LGSN: variants seen among roughly 807,000 people sequenced by gnomAD.
LGSN encodes the protein lengsin, lens protein with glutamine synthetase domain.
Under a neutral mutation model 19.5 loss-of-function variants are expected in LGSN, and 21 were observed. That is an observed-to-expected ratio of 1.07 (90% CI 0.76 to 1.55). The LOEUF (loss-of-function observed/expected upper bound fraction) is 1.55. Ranked by LOEUF, LGSN falls within the 40% of genes most tolerant of loss-of-function variation. The pLI, the probability that LGSN is intolerant of heterozygous loss-of-function variation, is 0.00. For missense variants in LGSN, 673 were observed against 608.5 expected, an observed-to-expected ratio of 1.11 and a Z score of -1.12; for synonymous variants, 257 against 215.6, an observed-to-expected ratio of 1.19 and a Z score of -1.68.
chr6:63,360,880 C>A, the LGSN span, among the ~76,000 whole-genome samples: 2 of 152,154 alleles, frequency 1.3e-5, no homozygotes, highest in African/African-American at 2.4e-5. Context: ...TAACAGTCAG[C>A]ACCCTCAGCT....
chr6:63,376,148 C>T, the LGSN span, among the ~76,000 whole-genome samples: 1 of 152,138 alleles, frequency 6.6e-6, no homozygotes, highest in African/African-American at 2.4e-5. Context: ...CATGTTCCCC[C>T]GATGCTTGCT....
the LGSN span, among the ~76,000 whole-genome samples, chr6:63,388,428 G>C: frequency 6.6e-6 from 1 of 152,062 alleles, no homozygotes; most frequent in African/African-American, 2.4e-5. Flanking sequence ...TTTAGAGATA[G>C]CATCTTTAAG....
At chr6:63,382,387 G>A in the LGSN span, among the ~76,000 whole-genome samples, 1 of 152,152 alleles carries the variant, frequency 6.6e-6, no homozygotes, top group Non-Finnish European at 1.5e-5. Context: ...CTGGCTGCAG[G>A]TGAAGCAACC....
chr6:63,405,121 CA>C, the LGSN span, among the ~76,000 whole-genome samples: 2 of 152,030 alleles, frequency 1.3e-5, no homozygotes, highest in South Asian at 4.2e-4. Flanking sequence ...CATGTCCCTA[CA>C]AAGGACATGA....
At chr6:63,314,199 G>A (rs953988051) in intron 1 of LGSN, among the ~76,000 whole-genome samples, 2 of 152,212 alleles carry the variant, frequency 1.3e-5, no homozygotes, top group East Asian at 3.9e-4. Flanking sequence ...AGGTGATTAG[G>A]TCATGAGGCT....
chr6:63,322,988 T>A (rs534174461), upstream of LGSN, among the ~76,000 whole-genome samples: 10 of 152,308 alleles, frequency 6.6e-5, no homozygotes, highest in African/African-American at 1.7e-4. Flanking sequence ...CTGAAAAAAA[T>A]TATTTTGTAA....
At chr6:63,542,781 A>G in the LGSN span, among the ~76,000 whole-genome samples, 1 of 152,006 alleles carries the variant, frequency 6.6e-6, no homozygotes, top group Non-Finnish European at 1.5e-5. Context: ...CTTCTTCACA[A>G]ATCCTACATC....
the LGSN span, among the ~76,000 whole-genome samples, chr6:63,496,980 A>G: frequency 2.6e-5 from 4 of 152,044 alleles, no homozygotes; most frequent in Non-Finnish European, 4.4e-5. Context: ...TACAACAAAA[A>G]TCCTTGATTG....
At chr6:63,482,739 C>A in the LGSN span, among the ~76,000 whole-genome samples, 1 of 152,166 alleles carries the variant, frequency 6.6e-6, no homozygotes, top group Non-Finnish European at 1.5e-5. Flanking sequence ...CTCACTATGT[C>A]ACCCAGGCTG....
the LGSN span, among the ~76,000 whole-genome samples, chr6:63,451,624 G>C: frequency 6.6e-6 from 1 of 152,024 alleles, no homozygotes; most frequent in Non-Finnish European, 1.5e-5. Flanking sequence ...GGAGGGAGAG[G>C]ATCAGGAAAA....
the LGSN span, chr6:63,572,360 G>A: frequency 5.7e-5 from 17 of 299,062 alleles, 1 homozygote; most frequent in Admixed American, 8.2e-4. Flanking sequence ...GTGACGTCCG[G>A]AGGGGGCGGG....
chr6:63,453,864 G>T, the LGSN span, among the ~76,000 whole-genome samples: 1 of 151,940 alleles, frequency 6.6e-6, no homozygotes, highest in East Asian at 1.9e-4. Context: ...CACTGTGTCA[G>T]CCAAGATGGT....
chr6:63,307,222 A>T (rs1582043436), intron 1 of LGSN, among the ~76,000 whole-genome samples: 2 of 152,354 alleles, frequency 1.3e-5, no homozygotes, highest in East Asian at 3.9e-4. Flanking sequence ...CCATGTGATA[A>T]ATACATTACC....
chr6:63,365,301 A>G, the LGSN span, among the ~76,000 whole-genome samples: 1 of 152,240 alleles, frequency 6.6e-6, no homozygotes, highest in African/African-American at 2.4e-5. Flanking sequence ...AGAGAATACT[A>G]TAAACACCTC....
chr6:63,573,290 T>A, the LGSN span: 2 of 151,886 alleles, frequency 1.3e-5, no homozygotes, highest in Non-Finnish European at 2.9e-5. Flanking sequence ...CGCCTCCAGA[T>A]CCGGGCGGGC....
At chr6:63,461,930 T>G in the LGSN span, among the ~76,000 whole-genome samples, 9 of 152,318 alleles carry the variant, frequency 5.9e-5, no homozygotes, top group Admixed American at 5.2e-4. Flanking sequence ...GAACATAGAT[T>G]CTGCATATAC....
At chr6:63,293,216 C>T (rs1314417244) in intron 2 of LGSN, among the ~76,000 whole-genome samples, 1 of 152,108 alleles carries the variant, frequency 6.6e-6, no homozygotes, top group African/African-American at 2.4e-5. Context: ...AGGCTGGTCT[C>T]GAATTCCAGG....
the LGSN span, among the ~76,000 whole-genome samples, chr6:63,410,066 G>A: frequency 6.6e-6 from 1 of 151,788 alleles, no homozygotes. Context: ...AAAATAATAA[G>A]GTATTACCTC....
upstream of LGSN, among the ~76,000 whole-genome samples, chr6:63,322,621 G>T (rs1326318295): frequency 6.6e-6 from 1 of 152,086 alleles, no homozygotes; most frequent in Admixed American, 6.5e-5. Flanking sequence ...AAATTATAAG[G>T]AGTAATATTT....
Sources: gnomAD v4.1 joint callset for allele counts (sites outside exome capture counted in the v4.1 genomes callset) on GRCh38, gnomAD v4.1.1 for gene constraint, MANE v1.5 for transcripts, NCBI Gene and HGNC (gene_info 2026-07-23, HGNC 2026-07-21) for gene names.